The following COBLL1 variants were observed in gnomAD, a reference collection of about 807,000 sequenced individuals.
COBLL1 encodes cordon-bleu WH2 repeat protein like 1, also known as cordon-bleu protein-like 1.
In COBLL1, 50 loss-of-function variants were observed where a neutral mutation model predicts 94.8. The observed-to-expected ratio is 0.53, with a 90% CI of 0.42 to 0.67. The LOEUF is 0.67. Ranked by LOEUF, COBLL1 falls within the 30% of genes least tolerant of loss-of-function variation. The pLI, the probability that COBLL1 is intolerant of heterozygous loss-of-function variation, is 0.00. For synonymous variants in COBLL1, 448 were observed against 473.8 expected, an observed-to-expected ratio of 0.95 and a Z score of 0.71; for missense variants, 1,362 against 1,348.7, an observed-to-expected ratio of 1.01 and a Z score of -0.15.
At chr2:164,699,578 C>A (rs2105442104) in intron 10 of COBLL1, 79 bp from the exon 11 acceptor site, 1 of 772,700 alleles carries the variant, frequency 1.3e-6, no homozygotes, top group East Asian at 2.5e-5. Flanking sequence ...CACACACACA[C>A]ACAATGAGAA....
chr2:164,797,188 C>T (rs1479541048), intron 2 of COBLL1, among the ~76,000 whole-genome samples: 1 of 152,044 alleles, frequency 6.6e-6, no homozygotes, highest in Non-Finnish European at 1.5e-5. Flanking sequence ...ACTCAAAGTC[C>T]TCTCATGTGC....
intron 7 of COBLL1, chr2:164,705,443 G>A (rs1381322452): frequency 5.7e-6 from 1 of 173,916 alleles, no homozygotes; most frequent in African/African-American, 2.4e-5. Flanking sequence ...GATGAAAAAG[G>A]GAACATTATT....
intron 7 of COBLL1, among the ~76,000 whole-genome samples, chr2:164,713,883 C>T (rs1357157362): frequency 3.3e-5 from 5 of 152,130 alleles, no homozygotes; most frequent in Non-Finnish European, 7.4e-5. Context: ...AAAACAAGCA[C>T]GTTCATCTGT....
chr2:164,753,145 G>C (rs1687210183), intron 2 of COBLL1, among the ~76,000 whole-genome samples: 3 of 152,164 alleles, frequency 2.0e-5, no homozygotes, highest in Non-Finnish European at 4.4e-5. Context: ...ACAGGAAACA[G>C]AAGCCTGGAA....
intron 2 of COBLL1, among the ~76,000 whole-genome samples, chr2:164,792,661 C>T (rs532120503): frequency 1.1e-4 from 16 of 152,228 alleles, no homozygotes; most frequent in South Asian, 2.1e-4. Context: ...AAATTATACA[C>T]GTAACGCACA....
chr2:164,750,332 C>T (rs78319871), intron 2 of COBLL1, among the ~76,000 whole-genome samples: 4 of 152,168 alleles, frequency 2.6e-5, no homozygotes, highest in Non-Finnish European at 5.9e-5. Flanking sequence ...AATGGCTCCA[C>T]TAACCACCCA....
intron 2 of COBLL1, among the ~76,000 whole-genome samples, chr2:164,813,035 AT>A (rs961384349): frequency 2.3e-4 from 30 of 130,446 alleles, no homozygotes; most frequent in African/African-American, 8.4e-4. Context: ...AAATTTCCAA[AT>A]TTTTTTTTAA....
In COBLL1 at chr2:164,704,520, T is replaced by TA; in HGVS notation, c.1151-3dup. ...GAACTCCATCTACTGGCTGTAAGGC[T>TA]AAAGGAAAGAAGCAACACAACTTAT... is the stretch of plus-strand genomic sequence containing the variant. On this transcript the variant is annotated splice_polypyrimidine_tract_variant and splice_region_variant and intron_variant, in intron 8 of 13. Coordinates refer to ENST00000652658, the MANE Select transcript of COBLL1 (RefSeq NM_001365672.2). 6.2e-7 allele frequency: 1 copy of TA among 1,610,376 alleles called. No individual in the cohort carries two copies. Among genetic ancestry groups the TA allele is most frequent in the Non-Finnish European group, 8.5e-7 (1 of 1,176,650 alleles).
chr2:164,822,762 T>C (rs1159048892), intron 2 of COBLL1, among the ~76,000 whole-genome samples: 1 of 147,396 alleles, frequency 6.8e-6, no homozygotes, highest in Non-Finnish European at 1.5e-5. Context: ...TTATTATTAT[T>C]ATTATTATTA....
At chr2:164,757,858 C>T (rs1447757712) in intron 2 of COBLL1, among the ~76,000 whole-genome samples, 1 of 151,300 alleles carries the variant, frequency 6.6e-6, no homozygotes, top group Non-Finnish European at 1.5e-5. Flanking sequence ...TATATATGTC[C>T]CATAAATAAG....
chr2:164,825,617 A>G (rs1042084480), intron 2 of COBLL1, among the ~76,000 whole-genome samples: 5 of 152,360 alleles, frequency 3.3e-5, no homozygotes, highest in African/African-American at 1.2e-4. Context: ...TCCAGAAAAA[A>G]ATACAAATCA....
intron 3 of COBLL1, chr2:164,743,415 T>G (rs1686697010): frequency 3.6e-6 from 1 of 277,094 alleles, no homozygotes; most frequent in Non-Finnish European, 6.8e-6. Context: ...AAGGCTTATT[T>G]TTAAAAACTT....
At chr2:164,740,451 G>A (rs1011455906) in intron 3 of COBLL1, among the ~76,000 whole-genome samples, 10 of 152,032 alleles carry the variant, frequency 6.6e-5, no homozygotes, top group African/African-American at 2.4e-4. Context: ...CAGAATTTGG[G>A]GCATTCCATT....
chr2:164,813,542 T>C (rs192459505), intron 2 of COBLL1, among the ~76,000 whole-genome samples: 1 of 152,248 alleles, frequency 6.6e-6, no homozygotes, highest in Admixed American at 6.5e-5. Flanking sequence ...GCTGAGTTGG[T>C]GACCCTTTCA....
chr2:164,806,456 T>C (rs1263429105), intron 2 of COBLL1, among the ~76,000 whole-genome samples: 1 of 152,218 alleles, frequency 6.6e-6, no homozygotes, highest in Non-Finnish European at 1.5e-5. Flanking sequence ...TTTCATTTTG[T>C]GCAATTTCAT....
intron 2 of COBLL1, among the ~76,000 whole-genome samples, chr2:164,754,001 G>C (rs1488135057): frequency 6.6e-6 from 1 of 152,058 alleles, no homozygotes; most frequent in Non-Finnish European, 1.5e-5. Context: ...CTAAAGTGCT[G>C]AAGTTACAGG....
chr2:164,794,197 G>A (rs1278226221), intron 2 of COBLL1, among the ~76,000 whole-genome samples: 1 of 152,178 alleles, frequency 6.6e-6, no homozygotes, highest in Non-Finnish European at 1.5e-5. Flanking sequence ...TGAAGGGGTG[G>A]AAGTTGAACC....
chr2:164,733,910 C>T (rs1476570416), intron 3 of COBLL1, among the ~76,000 whole-genome samples: 5 of 152,138 alleles, frequency 3.3e-5, no homozygotes, highest in Non-Finnish European at 7.4e-5. Flanking sequence ...TATAAGTAGA[C>T]ACATTTGGTG....
At chr2:164,705,694 AGAATGAAT>A (rs917847533) in intron 7 of COBLL1, among the ~76,000 whole-genome samples, 2 of 152,106 alleles carry the variant, frequency 1.3e-5, no homozygotes, top group African/African-American at 4.8e-5. Context: ...GCCTTTACCA[AGAATGAAT>A]GAATGAATGA....
Sources: allele counts gnomAD v4.1 joint callset (sites outside exome capture counted in the v4.1 genomes callset), GRCh38; gene constraint gnomAD v4.1.1; transcripts MANE v1.5; gene names NCBI Gene and HGNC (gene_info 2026-07-23, HGNC 2026-07-21).